Variants in RERE observed in about 807,000 individuals in gnomAD.
RERE encodes the protein arginine-glutamic acid dipeptide repeats protein.
A neutral mutation model predicts 146.1 loss-of-function variants in RERE; 40 were observed. The observed-to-expected ratio is 0.27, with a 90% CI of 0.21 to 0.36. The LOEUF (loss-of-function observed/expected upper bound fraction) is 0.36, where lower values mean the gene tolerates loss of function less well. Among genes scored for constraint, RERE ranks in the 10% least tolerant of loss-of-function variants. The pLI, the probability that RERE is intolerant of heterozygous loss-of-function variation, is 1.00. For synonymous variants in RERE, 1,003 were observed against 866.0 expected, an observed-to-expected ratio of 1.16 and a Z score of -2.78; for missense variants, 1,933 against 2,138.7, an observed-to-expected ratio of 0.90 and a Z score of 1.90.
At chr1:8,650,974 G>A (rs1489614548) in intron 2 of RERE, among the ~76,000 whole-genome samples, 1 of 151,932 alleles carries the variant, frequency 6.6e-6, no homozygotes, top group Non-Finnish European at 1.5e-5. Context: ...CCACGTGCCT[G>A]TAATCCCAGC....
chr1:8,646,557 A>AAACAAAC (rs1232787654), intron 2 of RERE, among the ~76,000 whole-genome samples: 48 of 142,386 alleles, frequency 3.4e-4, no homozygotes, highest in African/African-American at 1.3e-3. Context: ...ACAAACAAAC[A>AAACAAAC]AAAAAAAAAC....
intron 6 of RERE, among the ~76,000 whole-genome samples, chr1:8,552,763 A>G (rs1475933541): frequency 6.6e-6 from 1 of 152,244 alleles, no homozygotes; most frequent in Admixed American, 6.5e-5. Flanking sequence ...AGCTTCTTTC[A>G]CAGTGAGCGC....
intron 10 of RERE, among the ~76,000 whole-genome samples, chr1:8,494,292 T>C (rs1472029705): frequency 6.6e-6 from 1 of 152,226 alleles, no homozygotes; most frequent in East Asian, 1.9e-4. Context: ...CATCCCTCCA[T>C]GTGCTTTAAA....
chr1:8,694,029 CAAAA>C (rs144018056), intron 1 of RERE, among the ~76,000 whole-genome samples: 2 of 120,556 alleles, frequency 1.7e-5, no homozygotes, highest in Non-Finnish European at 1.7e-5. Flanking sequence ...TTTTCTTTCC[CAAAA>C]AAAAAAAAAA....
intron 4 of RERE, among the ~76,000 whole-genome samples, chr1:8,588,254 A>C (rs953517742): frequency 2.6e-5 from 4 of 152,262 alleles, no homozygotes; most frequent in African/African-American, 9.6e-5. Context: ...ACAATGGGGA[A>C]ATTTAAAGTA....
At chr1:8,391,348 G>C (rs1412078848) in intron 12 of RERE, among the ~76,000 whole-genome samples, 1 of 152,154 alleles carries the variant, frequency 6.6e-6, no homozygotes, top group Admixed American at 6.5e-5. Context: ...CCTGGCACCT[G>C]AGAGGCCCTC....
chr1:8,417,318 G>C (rs1643804469), intron 12 of RERE, among the ~76,000 whole-genome samples: 1 of 152,106 alleles, frequency 6.6e-6, no homozygotes, highest in Non-Finnish European at 1.5e-5. Flanking sequence ...CATTTTGCCT[G>C]AAGAAAAAAG....
intron 19 of RERE, among the ~76,000 whole-genome samples, chr1:8,359,504 T>C (rs926391644): frequency 6.6e-6 from 1 of 152,230 alleles, no homozygotes; most frequent in African/African-American, 2.4e-5. Context: ...GGACAGGCCC[T>C]TTCCTCGAAG....
intron 12 of RERE, among the ~76,000 whole-genome samples, chr1:8,421,692 G>A (rs1643911905): frequency 6.6e-6 from 1 of 152,130 alleles, no homozygotes; most frequent in Non-Finnish European, 1.5e-5. Context: ...TAAACAAGAG[G>A]AAATCAGTAA....
intron 1 of RERE, chr1:8,786,795 C>T: frequency 1.2e-6 from 1 of 802,446 alleles, no homozygotes; most frequent in Middle Eastern, 2.3e-4. Context: ...CATAAATAAG[C>T]TCCCTCCTTG....
At chr1:8,593,906 CAGG>C (rs1227275756) in intron 4 of RERE, among the ~76,000 whole-genome samples, 1 of 152,124 alleles carries the variant, frequency 6.6e-6, no homozygotes, top group East Asian at 1.9e-4. Flanking sequence ...CCGGGGCAGA[CAGG>C]AGGAGACTAG....
chr1:8,773,125 G>A (rs1640986283), intron 1 of RERE, among the ~76,000 whole-genome samples: 1 of 152,084 alleles, frequency 6.6e-6, no homozygotes, highest in Non-Finnish European at 1.5e-5. Context: ...TATCTGGTCT[G>A]TACCTTTAAT....
At chr1:8,689,578 C>G (rs973644214) in intron 1 of RERE, among the ~76,000 whole-genome samples, 1 of 152,080 alleles carries the variant, frequency 6.6e-6, no homozygotes, top group Non-Finnish European at 1.5e-5. Context: ...TATTTTTTCC[C>G]TGAGACAGGA....
intron 11 of RERE, chr1:8,465,388 A>G (rs1644581990): frequency 4.0e-6 from 1 of 251,492 alleles, no homozygotes; most frequent in South Asian, 4.6e-5. Context: ...TACAAGCCCT[A>G]TAAAAACAAG....
intron 1 of RERE, among the ~76,000 whole-genome samples, chr1:8,812,628 A>C (rs576242385): frequency 9.2e-5 from 14 of 152,100 alleles, no homozygotes; most frequent in Admixed American, 3.3e-4. Context: ...CCTGGGTGAC[A>C]GAGCAAGACT....
chr1:8,519,133 C>T (rs1462621140), intron 7 of RERE, among the ~76,000 whole-genome samples: 4 of 152,138 alleles, frequency 2.6e-5, no homozygotes. Context: ...GTAATCCCAG[C>T]ACTTTGGGTG....
chr1:8,736,498 C>T (rs1169226327), intron 1 of RERE, among the ~76,000 whole-genome samples: 3 of 152,250 alleles, frequency 2.0e-5, no homozygotes, highest in East Asian at 1.9e-4. Context: ...TGAGCCACCG[C>T]GCCCGGCCTA....
intron 10 of RERE, among the ~76,000 whole-genome samples, chr1:8,474,701 T>C (rs1176437081): frequency 1.3e-5 from 2 of 152,244 alleles, no homozygotes; most frequent in African/African-American, 2.4e-5. Context: ...TGTTCTTCAA[T>C]TGTAATTTAT....
At chr1:8,548,853 TG>T (rs1645898991) in intron 6 of RERE, among the ~76,000 whole-genome samples, 1 of 151,704 alleles carries the variant, frequency 6.6e-6, no homozygotes, top group African/African-American at 2.4e-5. Flanking sequence ...GGTGTGGGGG[TG>T]GGTGCCTGTA....
Sources: gnomAD v4.1 joint callset for allele counts (sites outside exome capture counted in the v4.1 genomes callset) on GRCh38, gnomAD v4.1.1 for gene constraint, MANE v1.5 for transcripts, NCBI Gene and HGNC (gene_info 2026-07-23, HGNC 2026-07-21) for gene names.